The following FRMD4A variants were observed in gnomAD, a reference collection of about 807,000 sequenced individuals.
FRMD4A encodes the protein FERM domain containing 4A.
Under a neutral mutation model 129.1 loss-of-function variants are expected in FRMD4A, and 29 were observed. The ratio of observed to expected loss-of-function variants is 0.22; its 90% confidence interval spans 0.17 to 0.31. The LOEUF is 0.31. FRMD4A is among the 10% of genes least tolerant of loss of function. The pLI is 1.00. For synonymous variants in FRMD4A, 634 were observed against 571.6 expected (o/e 1.11, Z -1.56); for missense variants, 1,272 against 1,375.8 (o/e 0.92, Z 1.19).
chr10:14,061,529 CATG>C (rs1834813833), intron 2 of FRMD4A, among the ~76,000 whole-genome samples: 1 of 152,160 alleles, frequency 6.6e-6, no homozygotes, highest in Admixed American at 6.5e-5. Context: ...ACCAGGTGCT[CATG>C]ACGTAAACCT....
At chr10:13,884,196 TCACACACA>T (rs1564971568) in intron 2 of FRMD4A, among the ~76,000 whole-genome samples, 1 of 108,536 alleles carries the variant, frequency 9.2e-6, no homozygotes, top group African/African-American at 3.6e-5. Flanking sequence ...ACACACACAC[TCACACACA>T]CACTCACACA....
At chr10:13,737,192 C>G (rs1054254922) in intron 12 of FRMD4A, among the ~76,000 whole-genome samples, 1 of 152,196 alleles carries the variant, frequency 6.6e-6, no homozygotes, top group Non-Finnish European at 1.5e-5. Context: ...CGGGCTCAAG[C>G]GATTCTCATG....
intron 4 of FRMD4A, among the ~76,000 whole-genome samples, chr10:13,802,362 A>T (rs569189388): frequency 6.6e-6 from 1 of 152,210 alleles, no homozygotes; most frequent in Non-Finnish European, 1.5e-5. Flanking sequence ...GGAGAATGAC[A>T]CTGCACAGCT....
chr10:14,097,395 G>C (rs1305578836), intron 2 of FRMD4A, among the ~76,000 whole-genome samples: 1 of 152,070 alleles, frequency 6.6e-6, no homozygotes, highest in Non-Finnish European at 1.5e-5. Flanking sequence ...TAATAAAGTA[G>C]CTCATATTTC....
chr10:13,690,627 G>A (rs565033255), intron 15 of FRMD4A, among the ~76,000 whole-genome samples: 2 of 152,280 alleles, frequency 1.3e-5, no homozygotes, highest in African/African-American at 4.8e-5. Flanking sequence ...CCTGCCCTCG[G>A]GTTGAGTCAT....
At chr10:13,969,240 A>G (rs937149127) in intron 2 of FRMD4A, among the ~76,000 whole-genome samples, 2 of 152,100 alleles carry the variant, frequency 1.3e-5, no homozygotes, top group African/African-American at 4.8e-5. Context: ...TTCCAGACCC[A>G]CCCATGGGGA....
chr10:14,060,754 T>C (rs1214071643), intron 2 of FRMD4A, among the ~76,000 whole-genome samples: 1 of 152,232 alleles, frequency 6.6e-6, no homozygotes. Flanking sequence ...ATGGATTATT[T>C]GATTCATGTT....
intron 2 of FRMD4A, among the ~76,000 whole-genome samples, chr10:14,289,476 G>A (rs139593383): frequency 3.9e-4 from 60 of 152,034 alleles, no homozygotes; most frequent in African/African-American, 1.4e-3. Flanking sequence ...TTGGGTTATC[G>A]TCATTATCTA....
rs56966643 is a variant in FRMD4A at position 14,174,879 on chromosome 10, CTGTGTGTGTGTG to C, written c.45+155167_45+155178del. Among the ~76,000 whole-genome samples, 617 of 87,638 alleles carry C rather than the reference CTGTGTGTGTGTG, an allele frequency of 7.0e-3. 2 individuals carry two copies. The highest frequency in any genetic ancestry group is 0.012 in the Non-Finnish European group (392 of 33,088). 57.5% of individuals were successfully genotyped at this position (87,638 alleles called of 152,430 possible). A position where few individuals can be genotyped will look rare whatever the true frequency, so the allele number is the denominator to read the frequency against. ...ATTAAAAAAAAAAGTGTGTGTGTGT[CTGTGTGTGTGTG>C]TGTGTGTGTGTGTGTGTGTGTGTGT... On this transcript the variant is annotated intron_variant, in intron 2 of 24. Coordinates refer to ENST00000357447, the MANE Select transcript of FRMD4A (RefSeq NM_018027.5).
chr10:14,316,252 G>A (rs1846734137), intron 2 of FRMD4A, among the ~76,000 whole-genome samples: 1 of 152,130 alleles, frequency 6.6e-6, no homozygotes, highest in Admixed American at 6.5e-5. Flanking sequence ...ACAATATTAA[G>A]AGGTAGAGTT....
intron 2 of FRMD4A, among the ~76,000 whole-genome samples, chr10:14,221,848 C>A (rs553591000): frequency 1.3e-5 from 2 of 152,216 alleles, no homozygotes; most frequent in East Asian, 3.9e-4. Context: ...AGTCACAATG[C>A]GCCGCCAGTG....
chr10:14,195,554 C>T (rs918317375), intron 2 of FRMD4A, among the ~76,000 whole-genome samples: 44 of 152,172 alleles, frequency 2.9e-4, no homozygotes, highest in African/African-American at 9.4e-4. Context: ...ATTCTCTCCT[C>T]GGATAACAAA....
intron 2 of FRMD4A, among the ~76,000 whole-genome samples, chr10:14,316,952 T>C (rs993436204): frequency 2.0e-5 from 3 of 152,174 alleles, no homozygotes; most frequent in African/African-American, 7.2e-5. Flanking sequence ...GAAGTTCCCA[T>C]GTGAAACTCA....
At chr10:14,175,203 A>G (rs1176821934) in intron 2 of FRMD4A, among the ~76,000 whole-genome samples, 1 of 152,144 alleles carries the variant, frequency 6.6e-6, no homozygotes, top group Non-Finnish European at 1.5e-5. Flanking sequence ...CCCCTTTTGC[A>G]TCATATATGT....
chr10:13,938,353 C>T (rs574735222), intron 2 of FRMD4A, among the ~76,000 whole-genome samples: 5 of 152,128 alleles, frequency 3.3e-5, no homozygotes, highest in African/African-American at 9.6e-5. Context: ...GCGATTCTCA[C>T]ACCTCAGCCT....
intron 12 of FRMD4A, among the ~76,000 whole-genome samples, chr10:13,716,106 A>C (rs1377454976): frequency 6.6e-6 from 1 of 152,074 alleles, no homozygotes; most frequent in Non-Finnish European, 1.5e-5. Context: ...TTTTCTGTGA[A>C]ATTGGATTGT....
intron 2 of FRMD4A, among the ~76,000 whole-genome samples, chr10:14,116,583 G>A (rs1301195620): frequency 2.0e-5 from 3 of 152,150 alleles, no homozygotes; most frequent in Non-Finnish European, 4.4e-5. Flanking sequence ...TACAATCACA[G>A]GGTCTGGGGG....
intron 2 of FRMD4A, among the ~76,000 whole-genome samples, chr10:14,056,830 T>C (rs1248588345): frequency 1.3e-5 from 2 of 152,338 alleles, no homozygotes; most frequent in South Asian, 2.1e-4. Flanking sequence ...GAGCTTGTGT[T>C]ATAGTTCTTG....
At chr10:14,150,063 G>A (rs114844958) in intron 2 of FRMD4A, among the ~76,000 whole-genome samples, 4,422 of 152,126 alleles carry the variant, frequency 0.029, 201 homozygotes, top group African/African-American at 0.1. Context: ...GAAATGCTAC[G>A]TACTTTTAAA....
Sources: gnomAD v4.1 joint callset for allele counts (sites outside exome capture counted in the v4.1 genomes callset) on GRCh38, gnomAD v4.1.1 for gene constraint, MANE v1.5 for transcripts, NCBI Gene and HGNC (gene_info 2026-07-23, HGNC 2026-07-21) for gene names.